The following IRAK2 variants were observed in gnomAD, a reference collection of about 807,000 sequenced individuals.
IRAK2 encodes interleukin-1 receptor-associated kinase-like 2.
Under a neutral mutation model 72.0 loss-of-function variants are expected in IRAK2, and 57 were observed. The ratio of observed to expected loss-of-function variants is 0.79; its 90% confidence interval spans 0.64 to 0.99. IRAK2 has a LOEUF of 0.99. IRAK2 is among the 50% of genes least tolerant of loss of function. IRAK2 has a pLI of 0.00. For missense variants in IRAK2, 790 were observed against 794.4 expected (o/e 0.99, Z 0.07); for synonymous variants, 293 against 312.7 (o/e 0.94, Z 0.67).
chr3:10,202,286 A>G (rs1697371148), intron 3 of IRAK2, among the ~76,000 whole-genome samples: 1 of 152,244 alleles, frequency 6.6e-6, no homozygotes. Flanking sequence ...TAATAGGCAT[A>G]GCAGTTCCTT....
intron 12 of IRAK2, among the ~76,000 whole-genome samples, chr3:10,241,376 G>GTT: frequency 8.4e-6 from 1 of 118,912 alleles, no homozygotes; most frequent in Non-Finnish European, 1.7e-5. Context: ...TGGCTAAGAT[G>GTT]GTGAAACCCC....
intron 10 of IRAK2, among the ~76,000 whole-genome samples, chr3:10,226,913 T>C (rs1697787069): frequency 7.4e-6 from 1 of 134,500 alleles, no homozygotes; most frequent in African/African-American, 2.9e-5. Context: ...GCCACTGCAC[T>C]CCAGCCTGGG....
In IRAK2 at chr3:10,219,701, T is replaced by C. The variant is rs1559450346; in HGVS notation, c.925T>C (p.Trp309Arg). 6.2e-7 allele frequency: 1 copy of C among 1,613,880 alleles called. No homozygotes were observed. The highest frequency in any genetic ancestry group is 8.5e-7 in the Non-Finnish European group (1 of 1,179,814). The part of the protein sequence containing the change: ...QGQGGSDPLP[W>R]PQRVSICSGL... ...TTAGGGTGGCTCGGACCCCCTCCCC[T>C]GGCCCCAGCGTGTCAGCATCTGCTC... Residue 309 changes from tryptophan (W) to arginine (R), a missense_variant, in exon 8 of 13, where the codon TGG (tryptophan) becomes CGG (arginine). Trp to Arg is a moderately radical substitution (Grantham distance 101, BLOSUM62 -3). Transcript: ENST00000256458.
chr3:10,193,122 T>C (rs1189186892), intron 2 of IRAK2, among the ~76,000 whole-genome samples: 1 of 152,086 alleles, frequency 6.6e-6, no homozygotes, highest in Non-Finnish European at 1.5e-5. Context: ...TCATGCTCAT[T>C]AGGAAGAGCA....
intron 2 of IRAK2, among the ~76,000 whole-genome samples, chr3:10,192,513 G>A (rs1414470594): frequency 1.3e-5 from 2 of 152,186 alleles, no homozygotes; most frequent in Non-Finnish European, 2.9e-5. Context: ...AAATAAATCT[G>A]CATTCTAGGC....
intron 2 of IRAK2, among the ~76,000 whole-genome samples, chr3:10,186,534 A>C (rs978791080): frequency 6.6e-6 from 1 of 151,650 alleles, no homozygotes; most frequent in African/African-American, 2.4e-5. Context: ...GCCACCTGAA[A>C]CAGTAAGTTG....
intron 1 of IRAK2, among the ~76,000 whole-genome samples, chr3:10,174,748 C>T (rs1007875494): frequency 1.2e-4 from 19 of 152,004 alleles, no homozygotes; most frequent in Non-Finnish European, 2.2e-4. Context: ...TGGTCTCGAA[C>T]TCCTGAACTT....
At chr3:10,217,112 T>C (rs1697617671) in intron 7 of IRAK2, 64 bp downstream of exon 7, 1 of 1,231,890 alleles carries the variant, frequency 8.1e-7, no homozygotes, top group Middle Eastern at 1.9e-4. Context: ...GGTCAAGGGT[T>C]AAGGACTTAC....
intron 10 of IRAK2, among the ~76,000 whole-genome samples, chr3:10,226,838 C>G (rs970818078): frequency 7.9e-5 from 12 of 150,974 alleles, no homozygotes; most frequent in African/African-American, 2.2e-4. Context: ...CCCAGCTACT[C>G]GGGAGGCTGA....
At chr3:10,209,300 A>G (rs1697482623) in intron 3 of IRAK2, among the ~76,000 whole-genome samples, 1 of 152,098 alleles carries the variant, frequency 6.6e-6, no homozygotes, top group Non-Finnish European at 1.5e-5. Context: ...TTTCGGCTCT[A>G]CCATCTACTG....
rs759078710 is a variant in IRAK2, at chr3:10,238,742, C to T, written c.1474-6C>T. On this transcript the variant is annotated splice_polypyrimidine_tract_variant and splice_region_variant and intron_variant, in intron 11 of 12. Transcript: ENST00000256458. ...GATGAGCTCCCTTCTCTCTCTTCTC[C>T]CAAAGGTGTGTGGCTCTGTGGCTGC... The T allele has an allele frequency of 2.5e-6, 4 of 1,613,158 alleles. No individual in the cohort carries two copies. Among genetic ancestry groups the T allele is most frequent in the African/African-American group, 1.3e-5 (1 of 74,850 alleles).
At chr3:10,189,142 A>C (rs1334245599) in intron 2 of IRAK2, among the ~76,000 whole-genome samples, 1 of 152,250 alleles carries the variant, frequency 6.6e-6, no homozygotes, top group African/African-American at 2.4e-5. Flanking sequence ...AATGTAGGTC[A>C]GGTGGGGAGG....
chr3:10,236,470 C>A (rs1405780989), intron 11 of IRAK2, among the ~76,000 whole-genome samples: 1 of 151,682 alleles, frequency 6.6e-6, no homozygotes, highest in African/African-American at 2.4e-5. Flanking sequence ...GCCTCAGCCT[C>A]CCGAGTAGCT....
At chr3:10,182,924 C>T (rs1213973665) in intron 2 of IRAK2, among the ~76,000 whole-genome samples, 4 of 151,798 alleles carry the variant, frequency 2.6e-5, no homozygotes, top group Non-Finnish European at 5.9e-5. Context: ...GTGTGCCCCG[C>T]TGCATCTGGT....
intron 1 of IRAK2, among the ~76,000 whole-genome samples, chr3:10,173,738 T>C (rs1319908116): frequency 6.6e-6 from 1 of 152,040 alleles, no homozygotes; most frequent in African/African-American, 2.4e-5. Flanking sequence ...GGCAGGAGAA[T>C]TGCTTGAACC....
At chr3:10,188,676 G>A (rs573731209) in intron 2 of IRAK2, among the ~76,000 whole-genome samples, 36 of 152,212 alleles carry the variant, frequency 2.4e-4, no homozygotes, top group African/African-American at 7.2e-4. Flanking sequence ...ACAGGCATGC[G>A]CCACCACGCC....
intron 4 of IRAK2, among the ~76,000 whole-genome samples, chr3:10,210,215 C>T (rs1354183191): frequency 6.6e-6 from 1 of 152,008 alleles, no homozygotes; most frequent in Non-Finnish European, 1.5e-5. Flanking sequence ...GCCACTGCAC[C>T]CGGCCATTAT....
intron 4 of IRAK2, among the ~76,000 whole-genome samples, chr3:10,210,354 C>T (rs887927409): frequency 6.6e-6 from 1 of 151,866 alleles, no homozygotes; most frequent in Non-Finnish European, 1.5e-5. Flanking sequence ...ACATTCCACC[C>T]TGGGTGACAG....
chr3:10,168,723 C>T (rs746341543), intron 1 of IRAK2, among the ~76,000 whole-genome samples: 24 of 152,176 alleles, frequency 1.6e-4, no homozygotes, highest in Non-Finnish European at 3.2e-4. Context: ...GACTCTGACA[C>T]ATCTGCCCAG....
Sources: gnomAD v4.1 joint callset for allele counts (sites outside exome capture counted in the v4.1 genomes callset) on GRCh38, gnomAD v4.1.1 for gene constraint, MANE v1.5 for transcripts, NCBI Gene and HGNC (gene_info 2026-07-23, HGNC 2026-07-21) for gene names.